Variants in CTIF observed in about 807,000 individuals in gnomAD.
CTIF encodes CBP80/20-dependent translation initiation factor.
In CTIF, 21 loss-of-function variants were observed where a neutral mutation model predicts 66.0. That is an observed-to-expected ratio of 0.32 (90% CI 0.23 to 0.46). The LOEUF is 0.46. CTIF is among the 20% of genes least tolerant of loss of function. CTIF has a pLI of 1.00. For synonymous variants in CTIF, 345 were observed against 326.4 expected (o/e 1.06, Z -0.62); for missense variants, 739 against 812.7 (o/e 0.91, Z 1.10).
chr18:48,617,493 C>G (rs117746122), intron 1 of CTIF, among the ~76,000 whole-genome samples: 1 of 152,210 alleles, frequency 6.6e-6, no homozygotes, highest in Non-Finnish European at 1.5e-5. Flanking sequence ...TCTGCCACAC[C>G]TAGCATGTGC....
intron 7 of CTIF, 145 bp downstream of exon 7, chr18:48,711,840 C>T (rs2092227476): frequency 5.8e-6 from 4 of 687,578 alleles, no homozygotes; most frequent in Non-Finnish European, 1.0e-5. Context: ...GGGTTGGTTA[C>T]TGGCTGGGGA....
chr18:48,606,116 T>C (rs2090195648), intron 1 of CTIF, among the ~76,000 whole-genome samples: 1 of 152,172 alleles, frequency 6.6e-6, no homozygotes, highest in Non-Finnish European at 1.5e-5. Context: ...TGCAAATATG[T>C]GTGGCCTGCA....
intron 6 of CTIF, among the ~76,000 whole-genome samples, chr18:48,678,243 A>G (rs1043091030): frequency 2.0e-5 from 3 of 152,184 alleles, no homozygotes; most frequent in Non-Finnish European, 2.9e-5. Flanking sequence ...AAATGGAAAG[A>G]AAAAAAGAGA....
In CTIF at chr18:48,649,153, T is replaced by C. The variant is rs545173895; in HGVS notation, c.252+12468T>C. The stretch of plus-strand genomic sequence containing the variant: ...AGGCAAGCTGAAGCTGGGTGGGGCA[T>C]TGCGTCACCCGAGAAGCACAAGGGG... On this transcript the variant is annotated intron_variant, in intron 3 of 11. Coordinates refer to ENST00000256413, the MANE Select transcript of CTIF (RefSeq NM_014772.3). Among the ~76,000 whole-genome samples, 44 of 152,232 alleles carry C rather than the reference T, an allele frequency of 2.9e-4. No individual in the cohort carries two copies. In the South Asian group the frequency reaches 9.1e-3, roughly 32 times the overall value.
intron 3 of CTIF, among the ~76,000 whole-genome samples, chr18:48,658,753 G>A (rs1162374502): frequency 6.6e-6 from 1 of 152,148 alleles, no homozygotes; most frequent in African/African-American, 2.4e-5. Flanking sequence ...CCTGTGGCAT[G>A]TGTACATGTA....
chr18:48,581,456 G>T (rs574081867), intron 1 of CTIF, among the ~76,000 whole-genome samples: 10 of 152,088 alleles, frequency 6.6e-5, no homozygotes, highest in Non-Finnish European at 1.3e-4. Context: ...CCATGCCTGA[G>T]TTGGGTTGGC....
chr18:48,778,861 G>A (rs973214337), intron 9 of CTIF, among the ~76,000 whole-genome samples: 2 of 152,194 alleles, frequency 1.3e-5, no homozygotes, highest in Non-Finnish European at 2.9e-5. Context: ...CCAGCAGGTC[G>A]CGCTGGTCCC....
At chr18:48,856,962 G>T (rs939251955) in intron 10 of CTIF, among the ~76,000 whole-genome samples, 4 of 152,258 alleles carry the variant, frequency 2.6e-5, no homozygotes, top group Non-Finnish European at 5.9e-5. Flanking sequence ...AGCCAGGCAA[G>T]TCGGGGGAAG....
intron 2 of CTIF, among the ~76,000 whole-genome samples, chr18:48,632,930 G>A (rs984862881): frequency 3.9e-5 from 6 of 152,130 alleles, no homozygotes; most frequent in Non-Finnish European, 8.8e-5. Context: ...GGATGGCCTT[G>A]GACAAGGCAG....
intron 7 of CTIF, among the ~76,000 whole-genome samples, chr18:48,753,549 G>A (rs1016970650): frequency 3.3e-5 from 5 of 150,726 alleles, no homozygotes; most frequent in African/African-American, 7.3e-5. Context: ...AAAGAATAAA[G>A]AATAAACTAA....
At chr18:48,695,205 A>G (rs1568143692) in intron 6 of CTIF, among the ~76,000 whole-genome samples, 2 of 152,210 alleles carry the variant, frequency 1.3e-5, no homozygotes, top group Non-Finnish European at 2.9e-5. Flanking sequence ...CAGTGCTGGA[A>G]TTGTTTACAG....
intron 2 of CTIF, among the ~76,000 whole-genome samples, chr18:48,635,315 T>C (rs866407547): frequency 8.2e-6 from 1 of 121,428 alleles, no homozygotes; most frequent in Admixed American, 7.5e-5. Context: ...CTTTTTCTTT[T>C]TCTTTTTCTT....
chr18:48,609,749 T>TTCAGC (rs1223626186), intron 1 of CTIF, among the ~76,000 whole-genome samples: 1 of 152,230 alleles, frequency 6.6e-6, no homozygotes, highest in Admixed American at 6.5e-5. Flanking sequence ...TTTGGTTTGT[T>TTCAGC]TCAGCTATGA....
chr18:48,657,011 C>G (rs1052839995), intron 3 of CTIF, among the ~76,000 whole-genome samples: 1 of 152,114 alleles, frequency 6.6e-6, no homozygotes, highest in African/African-American at 2.4e-5. Flanking sequence ...AAGGCTAGGA[C>G]GAGGGGTGAA....
At position 48,758,116 on chromosome 18, in the gene CTIF, A is replaced by G; in HGVS notation, c.782A>G (p.Asp261Gly). Residue 261 changes from aspartate to glycine, a missense_variant, in exon 8 of 12, where the codon GAC becomes GGC. This residue lies in a region of CTIF where 529 missense variants were observed against 520.3 expected (regional missense o/e 1.02). Transcript: ENST00000256413. ...HHGNMKHPPG[D>G]KGEAGAHRNA... ...GGCAACATGAAGCACCCACCAGGCG[A>G]CAAGGGGGAGGCAGGCGCACACCGC... 1.2e-6 allele frequency: 2 copies of G among 1,614,062 alleles called. No homozygotes were observed. The highest frequency in any genetic ancestry group is 1.7e-6 in the Non-Finnish European group (2 of 1,180,006).
At position 48,683,562 on chromosome 18, in the gene CTIF, A is replaced by G. The variant is rs145652039; in HGVS notation, c.507+12818A>G. On this transcript the variant is annotated intron_variant, in intron 6 of 11. Coordinates refer to ENST00000256413, the MANE Select transcript of CTIF (RefSeq NM_014772.3). The stretch of plus-strand genomic sequence containing the variant: ...GCTCCTGAAGGAAAGAGCTCTGATT[A>G]TTAAAGCATTAGATGTAGTCTTGTG... Among the ~76,000 whole-genome samples the G allele has an allele frequency of 1.6e-4, 25 of 151,838 alleles. No homozygotes were observed. The East Asian group carries it at 3.6e-3, about 22-fold the overall frequency.
chr18:48,799,828 C>G (rs894954284), intron 9 of CTIF, among the ~76,000 whole-genome samples: 1 of 152,222 alleles, frequency 6.6e-6, no homozygotes, highest in African/African-American at 2.4e-5. Flanking sequence ...GGTACATTGC[C>G]GAATAAAGCA....
chr18:48,540,346 C>T (rs1407022771), intron 1 of CTIF: 10 of 135,194 alleles, frequency 7.4e-5, no homozygotes, highest in African/African-American at 1.1e-4. Flanking sequence ...AGGTAACTGT[C>T]CCGGGCGCCG....
chr18:48,715,523 T>C (rs2092272545), intron 7 of CTIF, among the ~76,000 whole-genome samples: 1 of 152,084 alleles, frequency 6.6e-6, no homozygotes, highest in South Asian at 2.1e-4. Flanking sequence ...CCCCCCCTTT[T>C]CTCAAAGCTT....
Sources: gnomAD v4.1 joint callset for allele counts (sites outside exome capture counted in the v4.1 genomes callset) on GRCh38, gnomAD v4.1.1 for gene constraint, gnomAD v4.1.1 regional missense constraint, MANE v1.5 for transcripts, NCBI Gene and HGNC (gene_info 2026-07-23, HGNC 2026-07-21) for gene names.